NAPG: variants seen among roughly 807,000 people sequenced by gnomAD.
The protein encoded by NAPG is NSF attachment protein gamma.
A neutral mutation model predicts 48.4 loss-of-function variants in NAPG; 25 were observed. The observed-to-expected ratio is 0.52, with a 90% confidence interval of 0.38 to 0.72. The LOEUF (loss-of-function observed/expected upper bound fraction) is 0.72. Among genes scored for constraint, NAPG ranks in the 30% least tolerant of loss-of-function variants. The probability of loss-of-function intolerance (pLI) is 0.00; values close to 1 mark genes in which losing one functional copy is unlikely to be tolerated. For missense variants in NAPG, 359 were observed against 372.5 expected, an observed-to-expected ratio of 0.96 and a Z score of 0.30; for synonymous variants, 139 against 127.2, an observed-to-expected ratio of 1.09 and a Z score of -0.62.
chr18:10,546,335 G>A lies in NAPG; in HGVS notation c.516G>A (p.Glu172=). The A allele has an allele frequency of 1.2e-5, 19 of 1,580,372 alleles. No homozygotes were observed. Among genetic ancestry groups the A allele is most frequent in the Non-Finnish European group, 1.6e-5 (19 of 1,159,420 alleles). The part of the protein sequence containing the change: ...RLLVRGRRFD[E]AALSIQKEKN... ...CTGTGTTTTGTTTTAGGTTTGATGAGGCGGCACTCTCTATTCAGAAAGAAA... is the reference window on the plus strand; with the variant it reads ...CTGTGTTTTGTTTTAGGTTTGATGAAGCGGCACTCTCTATTCAGAAAGAAA... Residue 172 remains glutamate, a synonymous_variant, in exon 9 of 12, where the codon GAG becomes GAA. Coordinates refer to ENST00000322897, the MANE Select transcript of NAPG (RefSeq NM_003826.3). The surrounding 1 kb of genome is among the most constrained non-coding windows in gnomAD (Gnocchi z 4.0).
In NAPG at chr18:10,534,395, C is replaced by G; in HGVS notation, c.228-71C>G. 7.5e-7 allele frequency: 1 copy of G among 1,342,276 alleles called. No individual in the cohort carries two copies. Among genetic ancestry groups the G allele is most frequent in the Non-Finnish European group, 1.1e-6 (1 of 936,132 alleles). 83.1% of individuals were successfully genotyped at this position (1,342,276 alleles called of 1,614,324 possible). A position where few individuals can be genotyped will look rare whatever the true frequency, so the allele number is the denominator to read the frequency against. ...GAAGTCACTTTCCTTACCAGTAGTT[C>G]CTCACCAGAAAGTTTCTTCTACCCC... On this transcript the variant is annotated intron_variant, in intron 4 of 11. Transcript: ENST00000322897. This position sits in a 1 kb window ranked among gnomAD's most constrained non-coding sequence, Gnocchi z 5.0.
Position 10,548,849 on chromosome 18 carries a change from C to T in NAPG, c.666-118C>T. The T allele has an allele frequency of 7.6e-7, 1 of 1,311,058 alleles. No homozygotes were observed. Among genetic ancestry groups the T allele is most frequent in the East Asian group, 2.5e-5 (1 of 39,652 alleles). 81.2% of individuals were successfully genotyped at this position (1,311,058 alleles called of 1,614,324 possible). A position where few individuals can be genotyped will look rare whatever the true frequency, so the allele number is the denominator to read the frequency against. On this transcript the variant is annotated intron_variant, in intron 10 of 11. Transcript: ENST00000322897. The surrounding 1 kb of genome is among the most constrained non-coding windows in gnomAD (Gnocchi z 4.4). ...CCTCTAGATGCCACTAGCATTCCCACACTTTTAAGTACCAAAATGTCTCCA... is the reference window on the plus strand; with the variant it reads ...CCTCTAGATGCCACTAGCATTCCCATACTTTTAAGTACCAAAATGTCTCCA...
At position 10,539,958 on chromosome 18, in the gene NAPG, A is replaced by T; in HGVS notation, c.369-30A>T. 6.2e-7 allele frequency: 1 copy of T among 1,606,988 alleles called. No individual in the cohort carries two copies. Among genetic ancestry groups the T allele is most frequent in the Non-Finnish European group, 8.5e-7 (1 of 1,175,494 alleles). On this transcript the variant is annotated intron_variant, in intron 6 of 11. Coordinates refer to ENST00000322897, the MANE Select transcript of NAPG (RefSeq NM_003826.3). The surrounding 1 kb of genome is among the most constrained non-coding windows in gnomAD (Gnocchi z 4.7). The stretch of plus-strand genomic sequence containing the variant: ...CTGAAAAACAAGTTTTCCATTTCTC[A>T]TATAAGACATGTTTTCTTGTCTGAT...
chr18:10,541,934 C>T (rs1400069292), intron 8 of NAPG, among the ~76,000 whole-genome samples: 3 of 152,154 alleles, frequency 2.0e-5, no homozygotes, highest in African/African-American at 7.2e-5. Context: ...AGGATCTTTT[C>T]GGGGGAGGTC....
intron 11 of NAPG, 93 bp from the exon 12 acceptor site, chr18:10,549,984 G>A (rs985019543): frequency 2.3e-6 from 3 of 1,324,978 alleles, no homozygotes; most frequent in African/African-American, 1.5e-5. Flanking sequence ...TGTTCCTGAG[G>A]GTGGGGAGCC....
intron 2 of NAPG, 25 bp from the exon 3 acceptor site, chr18:10,532,686 T>C (rs775940418): frequency 6.5e-7 from 1 of 1,537,000 alleles, no homozygotes; most frequent in Non-Finnish European, 8.8e-7. Flanking sequence ...ATGATGGAAA[T>C]AGTCAATTTT....
chr18:10,545,966 T>A (rs2032255920), intron 8 of NAPG, among the ~76,000 whole-genome samples: 1 of 152,124 alleles, frequency 6.6e-6, no homozygotes, highest in Non-Finnish European at 1.5e-5. Context: ...GTTCTTTCAG[T>A]CGGGAGGAAA....
chr18:10,532,881 C>A, intron 3 of NAPG, 86 bp downstream of exon 3: 4 of 1,074,486 alleles, frequency 3.7e-6, no homozygotes, highest in African/African-American at 1.6e-5. Context: ...TACTTTACTA[C>A]CTGTGAAGTA....
At position 10,534,213 on chromosome 18, in the gene NAPG, C is replaced by G. The variant is rs1159615544; in HGVS notation, c.228-253C>G. ...TCAGATGGAAATTAATTTAACCTTA[C>G]TGAGCCTTACTTAATTTTGCATCTG... is the stretch of plus-strand genomic sequence containing the variant. On this transcript the variant is annotated intron_variant, in intron 4 of 11. Coordinates refer to ENST00000322897, the MANE Select transcript of NAPG (RefSeq NM_003826.3). The surrounding 1 kb of genome is among the most constrained non-coding windows in gnomAD (Gnocchi z 5.0). Among the ~76,000 whole-genome samples the G allele has an allele frequency of 1.3e-5, 2 of 152,180 alleles. No homozygotes were observed. Among genetic ancestry groups the G allele is most frequent in the Non-Finnish European group, 2.9e-5 (2 of 68,034 alleles).
rs1338717574 is a variant in NAPG, at chr18:10,539,716, T to C, written c.259-46T>C. 2 of 1,400,088 alleles carry C rather than the reference T, an allele frequency of 1.4e-6. No individual in the cohort carries two copies. The highest frequency in any genetic ancestry group is 2.0e-6 in the Non-Finnish European group (2 of 996,114). 86.7% of individuals were successfully genotyped at this position (1,400,088 alleles called of 1,614,324 possible). A position where few individuals can be genotyped will look rare whatever the true frequency, so the allele number is the denominator to read the frequency against. On this transcript the variant is annotated intron_variant, in intron 5 of 11. Transcript: ENST00000322897. This position sits in a 1 kb window ranked among gnomAD's most constrained non-coding sequence, Gnocchi z 4.7. ...TCAGATTGTTAACTCTGTTTTTCTT[T>C]AATTGATGCATTTGCTGACCTGTCT...
Position 10,530,841 on chromosome 18 carries a change from T to G in NAPG, c.124+4T>G, listed in dbSNP as rs747880062. On this transcript the variant is annotated splice_donor_region_variant and intron_variant, in intron 2 of 11. Coordinates refer to ENST00000322897, the MANE Select transcript of NAPG (RefSeq NM_003826.3). ...GCTTCTGAATATGGAAAAGCAGGTA[T>G]TTTTGACTATAGTCCAGTTGCTCCA... The G allele has an allele frequency of 2.7e-5, 42 of 1,571,144 alleles. No individual in the cohort carries two copies. The highest frequency in any genetic ancestry group is 3.2e-5 in the Non-Finnish European group (37 of 1,159,812).
In NAPG at chr18:10,544,360, G is replaced by T. The variant is rs376558956; in HGVS notation, c.507-1966G>T. Reference sequence around the variant, plus strand: ...AGGGTCTCACCAGGCCGAAATGAAGGTGTCGGAGGGGGCTGATCTCACCGG... The same window carrying T: ...AGGGTCTCACCAGGCCGAAATGAAGTTGTCGGAGGGGGCTGATCTCACCGG... On this transcript the variant is annotated intron_variant, in intron 8 of 11. Transcript: ENST00000322897. The surrounding 1 kb of genome is among the most constrained non-coding windows in gnomAD (Gnocchi z 5.1). 3.3e-5 allele frequency among the ~76,000 whole-genome samples: 5 copies of T among 152,340 alleles called. No individual in the cohort carries two copies. The East Asian group carries it at 9.6e-4, about 29-fold the overall frequency.
At chr18:10,536,024 C>G (rs549026570) in intron 5 of NAPG, among the ~76,000 whole-genome samples, 37 of 152,288 alleles carry the variant, frequency 2.4e-4, no homozygotes, top group Non-Finnish European at 4.7e-4. Flanking sequence ...CTGTTACATT[C>G]TTAGTGTACT....
intron 1 of NAPG, among the ~76,000 whole-genome samples, chr18:10,529,583 T>G (rs1406103052): frequency 1.3e-5 from 2 of 152,072 alleles, no homozygotes; most frequent in African/African-American, 4.8e-5. Flanking sequence ...CGAAACCTCT[T>G]CTCTACTAAA....
At position 10,552,198 on chromosome 18, in the gene NAPG, A is replaced by T. The variant is rs934273534; in HGVS notation, c.*1978A>T. On this transcript the variant is annotated 3_prime_UTR_variant, in exon 12 of 12. Coordinates refer to ENST00000322897, the MANE Select transcript of NAPG (RefSeq NM_003826.3). ...TTCTTATGTACTGAAAACTTTTTTT[A>T]AAAAAGGTGATGATGAAGTGCATTC... 3.3e-5 allele frequency: 5 copies of T among 152,154 alleles called. No homozygotes were observed. Among genetic ancestry groups the T allele is most frequent in the East Asian group, 1.9e-4 (1 of 5,202 alleles). 9.4% of individuals were successfully genotyped at this position (152,154 alleles called of 1,614,324 possible). A position where few individuals can be genotyped will look rare whatever the true frequency, so the allele number is the denominator to read the frequency against.
Position 10,534,361 on chromosome 18 carries a change from A to G in NAPG, c.228-105A>G. ...GAAGTGATATGTTGTGCATGAGCCC[A>G]TTGTAATTGAAGTCACTTTCCTTAC... On this transcript the variant is annotated intron_variant, in intron 4 of 11. Transcript: ENST00000322897. This position sits in a 1 kb window ranked among gnomAD's most constrained non-coding sequence, Gnocchi z 5.0. The G allele has an allele frequency of 3.6e-6, 3 of 830,138 alleles. No individual in the cohort carries two copies. The highest frequency in any genetic ancestry group is 1.7e-5 in the African/African-American group (1 of 59,636). 51.4% of individuals were successfully genotyped at this position (830,138 alleles called of 1,614,324 possible). A position where few individuals can be genotyped will look rare whatever the true frequency, so the allele number is the denominator to read the frequency against.
chr18:10,537,458 TTC>T (rs1183742042), intron 5 of NAPG, among the ~76,000 whole-genome samples: 1 of 152,120 alleles, frequency 6.6e-6, no homozygotes, highest in East Asian at 1.9e-4. Context: ...CATCATAGTC[TTC>T]ACGTTTGGGC....
chr18:10,533,586 A>T (rs2031973984), intron 4 of NAPG, 33 bp downstream of exon 4: 2 of 1,573,364 alleles, frequency 1.3e-6, no homozygotes, highest in South Asian at 2.4e-5. Context: ...TGTATTTGCA[A>T]ATTATGTTTT....
rs377632744 is a variant in NAPG, at chr18:10,550,972, TTTTGTTTG to T, written c.*768_*775del. 6 of 151,750 alleles carry T rather than the reference TTTTGTTTG, an allele frequency of 4.0e-5. No individual in the cohort carries two copies. The highest frequency in any genetic ancestry group is 5.9e-5 in the Non-Finnish European group (4 of 67,990). 9.4% of individuals were successfully genotyped at this position (151,750 alleles called of 1,614,324 possible). A position where few individuals can be genotyped will look rare whatever the true frequency, so the allele number is the denominator to read the frequency against. ...AGGAGCTAATGGGTAATGAATACCT[TTTTGTTTG>T]TTTGTTTGTTTGTTTTGTTTTTTGT... On this transcript the variant is annotated 3_prime_UTR_variant, in exon 12 of 12. Transcript: ENST00000322897.
Sources: gnomAD v4.1 joint callset for allele counts (sites outside exome capture counted in the v4.1 genomes callset) on GRCh38, gnomAD v4.1.1 for gene constraint, Gnocchi (gnomAD v3.1) non-coding constraint, MANE v1.5 for transcripts, NCBI Gene and HGNC (gene_info 2026-07-23, HGNC 2026-07-21) for gene names.